CDH13: variants seen among roughly 807,000 people sequenced by gnomAD.
CDH13 encodes the protein cadherin-13.
A neutral mutation model predicts 63.8 loss-of-function variants in CDH13; 24 were observed. That is an observed-to-expected ratio of 0.38 (90% confidence interval 0.27 to 0.53). The LOEUF (loss-of-function observed/expected upper bound fraction) is 0.53, where lower values mean the gene tolerates loss of function less well. Among genes scored for constraint, CDH13 ranks in the 20% least tolerant of loss-of-function variants. CDH13 has a pLI of 0.85. For missense variants in CDH13, 1,049 were observed against 903.1 expected (o/e 1.16, Z -2.07); for synonymous variants, 503 against 355.3 (o/e 1.42, Z -4.67).
chr16:83,703,905 A>C (rs996075146), intron 10 of CDH13, among the ~76,000 whole-genome samples: 1 of 152,186 alleles, frequency 6.6e-6, no homozygotes, highest in Non-Finnish European at 1.5e-5. Flanking sequence ...CCACCGTAAC[A>C]TCCATTCAAC....
At chr16:82,882,763 A>T (rs1005999952) in intron 2 of CDH13, among the ~76,000 whole-genome samples, 1 of 152,048 alleles carries the variant, frequency 6.6e-6, no homozygotes, top group African/African-American at 2.4e-5. Flanking sequence ...AATTTTAAAA[A>T]TTTATTCATA....
intron 7 of CDH13, among the ~76,000 whole-genome samples, chr16:83,585,900 G>C (rs563949178): frequency 2.0e-5 from 3 of 152,172 alleles, no homozygotes; most frequent in African/African-American, 7.2e-5. Flanking sequence ...GCAGTTGAGA[G>C]TATAAGGTAC....
At chr16:83,446,463 C>G (rs1330974061) in intron 6 of CDH13, among the ~76,000 whole-genome samples, 1 of 152,028 alleles carries the variant, frequency 6.6e-6, no homozygotes, top group African/African-American at 2.4e-5. Context: ...AGTTTTGTGC[C>G]TCCAGTTTTA....
In CDH13 at chr16:83,047,782, CGTT is replaced by C. The variant is rs1193581249; in HGVS notation, c.366+15567_366+15569del. Among the ~76,000 whole-genome samples, 2 of 152,154 alleles carry C rather than the reference CGTT, an allele frequency of 1.3e-5. No individual in the cohort carries two copies. Among genetic ancestry groups the C allele is most frequent in the African/African-American group, 4.8e-5 (2 of 41,432 alleles). On this transcript the variant is annotated intron_variant, in intron 3 of 13. Transcript: ENST00000567109. This position sits in a 1 kb window ranked among gnomAD's most constrained non-coding sequence, Gnocchi z 4.9. Reference sequence around the variant, plus strand: ...TCGTAGTCAATTTATTTAGCTCAAACGTTGTGCGGGGCACCACTTTAAGTGCAT... The same window carrying C: ...TCGTAGTCAATTTATTTAGCTCAAACGTGCGGGGCACCACTTTAAGTGCAT...
chr16:82,753,132 A>G (rs2034483794), intron 1 of CDH13, among the ~76,000 whole-genome samples: 1 of 152,134 alleles, frequency 6.6e-6, no homozygotes, highest in South Asian at 2.1e-4. Flanking sequence ...GTCAGCTCCT[A>G]CTTATTATTC....
At chr16:83,227,748 G>A (rs796999902) in intron 5 of CDH13, among the ~76,000 whole-genome samples, 27 of 152,220 alleles carry the variant, frequency 1.8e-4, no homozygotes, top group African/African-American at 5.8e-4. Context: ...GAGCATCTGG[G>A]GACCATAGAG....
At chr16:83,595,530 T>TA (rs1452700733) in intron 7 of CDH13, among the ~76,000 whole-genome samples, 1 of 152,142 alleles carries the variant, frequency 6.6e-6, no homozygotes, top group African/African-American at 2.4e-5. Context: ...CCCTTAAACC[T>TA]AAAAAATGGC....
chr16:83,798,358 G>A lies in CDH13; in HGVS notation c.*3328G>A, dbSNP rs925982082. On this transcript the variant is annotated 3_prime_UTR_variant, in exon 14 of 14. Coordinates refer to ENST00000567109, the MANE Select transcript of CDH13 (RefSeq NM_001257.5). ...AAAGGAGTCTACAATTTTCCTAGGG[G>A]GTGTATGAACATGGTACCAAAAAGG... 7.9e-5 allele frequency: 12 copies of A among 152,194 alleles called. No individual in the cohort carries two copies. Among genetic ancestry groups the A allele is most frequent in the African/African-American group, 2.9e-4 (12 of 41,532 alleles). The allele number at this position is 152,194 out of a possible 1,614,324, so 9.4% of individuals were successfully genotyped here. A position where few individuals can be genotyped will look rare whatever the true frequency, so the allele number is the denominator to read the frequency against.
chr16:82,724,424 C>G (rs1315625409), intron 1 of CDH13, among the ~76,000 whole-genome samples: 1 of 152,156 alleles, frequency 6.6e-6, no homozygotes, highest in Non-Finnish European at 1.5e-5. Flanking sequence ...TCCTACAAGG[C>G]AGGTGCCATG....
intron 3 of CDH13, among the ~76,000 whole-genome samples, chr16:83,108,007 G>C (rs1009834057): frequency 6.6e-6 from 1 of 152,004 alleles, no homozygotes; most frequent in African/African-American, 2.4e-5. Context: ...ATTTTTAGTA[G>C]AGACGGGGTT....
intron 2 of CDH13, among the ~76,000 whole-genome samples, chr16:82,949,722 G>T (rs962089308): frequency 4.7e-4 from 71 of 152,040 alleles, no homozygotes; most frequent in African/African-American, 1.7e-3. Flanking sequence ...CATTCTGTCT[G>T]GAAAAGAATG....
rs546640872 is a variant in CDH13, at chr16:83,796,784, A to G, written c.*1754A>G. ...CATGGGCCATGGACTCATCTTGTCCACCTCATGATATGATCTGAGGGTGTC... is the reference window on the plus strand; with the variant it reads ...CATGGGCCATGGACTCATCTTGTCCGCCTCATGATATGATCTGAGGGTGTC... On this transcript the variant is annotated 3_prime_UTR_variant, in exon 14 of 14. Transcript: ENST00000567109. The G allele has an allele frequency of 6.6e-6, 1 of 152,244 alleles. No individual in the cohort carries two copies. The highest frequency in any genetic ancestry group is 2.4e-5 in the African/African-American group (1 of 41,542). The allele number at this position is 152,244 out of a possible 1,614,324, so 9.4% of individuals were successfully genotyped here. A position where few individuals can be genotyped will look rare whatever the true frequency, so the allele number is the denominator to read the frequency against.
chr16:82,970,436 A>C (rs1162926970), intron 2 of CDH13, among the ~76,000 whole-genome samples: 1 of 88,346 alleles, frequency 1.1e-5, no homozygotes, highest in Non-Finnish European at 2.3e-5. Flanking sequence ...TCTGTCGCCC[A>C]GGCCGGACTG....
chr16:83,186,797 C>G (rs1206688029), intron 4 of CDH13, among the ~76,000 whole-genome samples: 1 of 152,102 alleles, frequency 6.6e-6, no homozygotes, highest in African/African-American at 2.4e-5. Flanking sequence ...TGAGACAAGC[C>G]AACTCTTTCT....
intron 6 of CDH13, among the ~76,000 whole-genome samples, chr16:83,462,129 A>C (rs1208020862): frequency 5.3e-5 from 8 of 152,192 alleles, no homozygotes; most frequent in Admixed American, 2.0e-4. Context: ...TGCATGACTG[A>C]CAGCTGTGCT....
At chr16:82,675,328 G>A (rs890884057) in intron 1 of CDH13, among the ~76,000 whole-genome samples, 5 of 152,010 alleles carry the variant, frequency 3.3e-5, no homozygotes, top group Non-Finnish European at 7.4e-5. Context: ...TATATTATAT[G>A]GCTGTATACT....
intron 7 of CDH13, among the ~76,000 whole-genome samples, chr16:83,570,093 G>A (rs998953117): frequency 3.9e-5 from 6 of 152,064 alleles, no homozygotes; most frequent in African/African-American, 1.2e-4. Context: ...TTAGGTCCCT[G>A]GTCCTGTGTA....
At chr16:83,067,744 G>A (rs1424473427) in intron 3 of CDH13, among the ~76,000 whole-genome samples, 2 of 152,146 alleles carry the variant, frequency 1.3e-5, no homozygotes, top group Non-Finnish European at 2.9e-5. Context: ...GCATTTTAAT[G>A]AAAAAGGAAA....
At chr16:83,098,253 T>A (rs2034301679) in intron 3 of CDH13, among the ~76,000 whole-genome samples, 1 of 152,232 alleles carries the variant, frequency 6.6e-6, no homozygotes, top group Admixed American at 6.5e-5. Context: ...TCATATATGG[T>A]ATAAGAACCT....
Sources: gnomAD v4.1 joint callset for allele counts (sites outside exome capture counted in the v4.1 genomes callset) on GRCh38, gnomAD v4.1.1 for gene constraint, Gnocchi (gnomAD v3.1) non-coding constraint, MANE v1.5 for transcripts, NCBI Gene and HGNC (gene_info 2026-07-23, HGNC 2026-07-21) for gene names.